Variants in NRXN3 observed in about 807,000 individuals in gnomAD.
NRXN3 encodes the protein neurexin 3, also known as neurexin III.
Under a neutral mutation model 137.6 loss-of-function variants are expected in NRXN3, and 32 were observed. The observed-to-expected ratio is 0.23, with a 90% CI of 0.18 to 0.31. NRXN3 has a LOEUF of 0.31. Ranked by LOEUF, NRXN3 falls within the 10% of genes least tolerant of loss-of-function variation. The pLI is 1.00. For synonymous variants in NRXN3, 798 were observed against 784.5 expected (o/e 1.02, Z -0.29); for missense variants, 1,574 against 2,062.5 (o/e 0.76, Z 4.59).
intron 10 of NRXN3, among the ~76,000 whole-genome samples, chr14:78,856,567 C>T (rs74582043): frequency 4.6e-5 from 7 of 151,936 alleles, no homozygotes; most frequent in East Asian, 3.9e-4. Flanking sequence ...TCTTCTTATA[C>T]GTTTTTCCAG....
At chr14:78,259,672 T>C (rs528369470) in intron 2 of NRXN3, among the ~76,000 whole-genome samples, 2 of 152,292 alleles carry the variant, frequency 1.3e-5, no homozygotes, top group African/African-American at 2.4e-5. Flanking sequence ...GACAGCAAAA[T>C]AATTTAAGGA....
intron 16 of NRXN3, among the ~76,000 whole-genome samples, chr14:79,602,931 A>G (rs1185331439): frequency 2.0e-5 from 3 of 152,058 alleles, no homozygotes; most frequent in Non-Finnish European, 4.4e-5. Context: ...TGCTCACTCA[A>G]CTTTATTCCG....
chr14:78,406,879 A>G (rs1172326993), intron 4 of NRXN3, among the ~76,000 whole-genome samples: 1 of 152,122 alleles, frequency 6.6e-6, no homozygotes, highest in African/African-American at 2.4e-5. Flanking sequence ...TGATCCCAAG[A>G]TTCCCTGACT....
intron 4 of NRXN3, among the ~76,000 whole-genome samples, chr14:78,603,119 G>C (rs949052651): frequency 2.6e-5 from 4 of 152,098 alleles, no homozygotes; most frequent in African/African-American, 9.7e-5. Context: ...AAAATGGTTA[G>C]AAGCAGCGTG....
intron 4 of NRXN3, among the ~76,000 whole-genome samples, chr14:78,339,219 A>G (rs1183117732): frequency 6.6e-6 from 1 of 152,202 alleles, no homozygotes; most frequent in Non-Finnish European, 1.5e-5. Context: ...GCACTTTGCC[A>G]GGCCTTTTAA....
At chr14:79,626,162 A>G in intron 16 of NRXN3, among the ~76,000 whole-genome samples, 1 of 152,158 alleles carries the variant, frequency 6.6e-6, no homozygotes, top group East Asian at 1.9e-4. Context: ...GAATGAATGT[A>G]CAAGTGAGTG....
chr14:79,428,414 T>C (rs2153546236), intron 15 of NRXN3, among the ~76,000 whole-genome samples: 1 of 152,276 alleles, frequency 6.6e-6, no homozygotes, highest in East Asian at 1.9e-4. Context: ...CTTCACTTGG[T>C]CAAATACCTC....
At chr14:78,497,644 A>G (rs1019561444) in intron 4 of NRXN3, among the ~76,000 whole-genome samples, 1 of 151,942 alleles carries the variant, frequency 6.6e-6, no homozygotes, top group Admixed American at 6.6e-5. Flanking sequence ...CTGTCCACCC[A>G]TCTGTCTTTC....
intron 16 of NRXN3, among the ~76,000 whole-genome samples, chr14:79,474,482 C>G (rs2096542114): frequency 6.6e-6 from 1 of 152,018 alleles, no homozygotes; most frequent in African/African-American, 2.4e-5. Context: ...TATGAATTAA[C>G]CAGATTCACA....
chr14:79,663,639 A>G (rs2098544961), intron 16 of NRXN3, 139 bp from the exon 17 acceptor site: 1 of 704,716 alleles, frequency 1.4e-6, no homozygotes, highest in Non-Finnish European at 2.4e-6. Flanking sequence ...AGAAATGTAG[A>G]ATGCTATTAT....
chr14:78,820,778 G>A (rs371110893), intron 10 of NRXN3, among the ~76,000 whole-genome samples: 14 of 152,266 alleles, frequency 9.2e-5, no homozygotes, highest in African/African-American at 3.1e-4. Flanking sequence ...CTAAATGGCT[G>A]AAAGTATATT....
At chr14:78,554,762 T>A (rs1172848612) in intron 4 of NRXN3, among the ~76,000 whole-genome samples, 1 of 148,576 alleles carries the variant, frequency 6.7e-6, no homozygotes, top group African/African-American at 2.5e-5. Flanking sequence ...ATTTTAGCGT[T>A]CGTGGGCCAG....
chr14:79,203,299 A>G (rs568202488), intron 15 of NRXN3, among the ~76,000 whole-genome samples: 2 of 152,312 alleles, frequency 1.3e-5, no homozygotes, highest in African/African-American at 2.4e-5. Flanking sequence ...AAACTTGCCT[A>G]TTCAAAAAAG....
At chr14:78,295,911 G>A (rs747065387) in intron 3 of NRXN3, among the ~76,000 whole-genome samples, 8 of 151,970 alleles carry the variant, frequency 5.3e-5, no homozygotes, top group African/African-American at 1.5e-4. Flanking sequence ...CTCTTCCATC[G>A]CTTTCCTACT....
intron 15 of NRXN3, among the ~76,000 whole-genome samples, chr14:79,305,923 T>C (rs1219496531): frequency 1.3e-5 from 2 of 152,086 alleles, no homozygotes; most frequent in African/African-American, 4.8e-5. Context: ...GAAATCCTGG[T>C]ATCAATGGGA....
chr14:78,595,271 T>A (rs1306042291), intron 4 of NRXN3, among the ~76,000 whole-genome samples: 1 of 152,156 alleles, frequency 6.6e-6, no homozygotes, highest in African/African-American at 2.4e-5. Context: ...AATTACAATA[T>A]GAAGCTTTAG....
At chr14:79,018,035 G>T (rs965043888) in intron 15 of NRXN3, among the ~76,000 whole-genome samples, 1 of 151,748 alleles carries the variant, frequency 6.6e-6, no homozygotes, top group Non-Finnish European at 1.5e-5. Flanking sequence ...TGAGGCGGGA[G>T]GATCACCTGA....
chr14:79,115,790 C>T (rs758253174), intron 15 of NRXN3, among the ~76,000 whole-genome samples: 5 of 152,000 alleles, frequency 3.3e-5, no homozygotes, highest in Admixed American at 6.6e-5. Flanking sequence ...TTTGTTTTAC[C>T]GTGATGTATT....
At chr14:79,458,481 A>G (rs1006693583) in intron 15 of NRXN3, among the ~76,000 whole-genome samples, 5 of 152,168 alleles carry the variant, frequency 3.3e-5, no homozygotes, top group Admixed American at 1.3e-4. Context: ...CTGAATGGCA[A>G]CGTGAAGATA....
Sources: gnomAD v4.1 joint callset for allele counts (sites outside exome capture counted in the v4.1 genomes callset) on GRCh38, gnomAD v4.1.1 for gene constraint, MANE v1.5 for transcripts, NCBI Gene and HGNC (gene_info 2026-07-23, HGNC 2026-07-21) for gene names.